Variants in WNT16 observed in about 807,000 individuals in gnomAD.
The protein encoded by WNT16 is protein Wnt-16.
A neutral mutation model predicts 35.4 loss-of-function variants in WNT16; 20 were observed. That is an observed-to-expected ratio of 0.56 (90% confidence interval 0.40 to 0.82). WNT16 has a LOEUF of 0.82. WNT16 is among the 40% of genes least tolerant of loss of function. The pLI, the probability that WNT16 is intolerant of heterozygous loss-of-function variation, is 0.00. For missense variants in WNT16, 461 were observed against 466.0 expected, an observed-to-expected ratio of 0.99 and a Z score of 0.10; for synonymous variants, 180 against 179.2, an observed-to-expected ratio of 1.00 and a Z score of -0.03.
chr7:121,328,106 AATG>A (rs1793271847), upstream of WNT16, among the ~76,000 whole-genome samples: 2 of 152,312 alleles, frequency 1.3e-5, no homozygotes, highest in Non-Finnish European at 2.9e-5. Context: ...CGTTTTTAAA[AATG>A]TGTCTTCCAT....
chr7:121,329,633 C>A lies in WNT16; in HGVS notation c.162C>A (p.Ser54Arg). 1 of 1,614,222 alleles carries A rather than the reference C, an allele frequency of 6.2e-7. No homozygotes were observed. Among genetic ancestry groups the A allele is most frequent in the Non-Finnish European group, 8.5e-7 (1 of 1,180,044 alleles). The change falls in exon 2 of 4, where the codon AGC (serine) becomes AGA (arginine). Residue 54 changes from serine (S) to arginine (R), a missense_variant. Transcript: ENST00000222462. ...GCTGCGCCAATTTGCCGCTGAACAG[C>A]CGCCAGAAGGAGCTGTGCAAGAGGA... is the stretch of plus-strand genomic sequence containing the variant. ...KLGCANLPLN[S>R]RQKELCKRKP...
Position 121,340,327 on chromosome 7 carries a change from A to G in WNT16, c.*982A>G, listed in dbSNP as rs1793512323. 6.6e-6 allele frequency: 1 copy of G among 152,216 alleles called. No homozygotes were observed. Among genetic ancestry groups the G allele is most frequent in the Non-Finnish European group, 1.5e-5 (1 of 68,006 alleles). 9.4% of individuals were successfully genotyped at this position (152,216 alleles called of 1,614,324 possible). ...ATACAGTACTTAAGTTATATGATTTATATTAAAACATTTATTGACAAAGCC... is the reference window on the plus strand; with the variant it reads ...ATACAGTACTTAAGTTATATGATTTGTATTAAAACATTTATTGACAAAGCC... On this transcript the variant is annotated 3_prime_UTR_variant, in exon 4 of 4. Transcript: ENST00000222462.
At chr7:121,329,902 A>G (rs1334867989) in intron 2 of WNT16, 85 bp downstream of exon 2, 1 of 1,533,130 alleles carries the variant, frequency 6.5e-7, no homozygotes, top group East Asian at 2.3e-5. Context: ...AAATAGTGCT[A>G]CGTGGTCCTG....
chr7:121,332,006 A>T lies in WNT16; in HGVS notation c.633+42A>T, dbSNP rs774407162. On this transcript the variant is annotated intron_variant, in intron 3 of 3. Transcript: ENST00000222462. ...GGAATAATCAAAACCCAGTGCTGTT[A>T]GGTAAATAACTAGGATTACACATCT... The T allele has an allele frequency of 2.1e-5, 34 of 1,598,452 alleles. 1 individual carries two copies. In the Admixed American group the frequency reaches 2.4e-4, roughly 11 times the overall value.
Position 121,329,827 on chromosome 7 carries a change from G to C in WNT16, c.346+10G>C, listed in dbSNP as rs749250421. ...TACGAGCTGAGCAGCGGTGAGTCCT[G>C]GGTCCTTAGGGGTTGGTGGGGGACG... On this transcript the variant is annotated intron_variant, in intron 2 of 3. Coordinates refer to ENST00000222462, the MANE Select transcript of WNT16 (RefSeq NM_057168.2). 1 of 1,596,308 alleles carries C rather than the reference G, an allele frequency of 6.3e-7. No homozygotes were observed. Among genetic ancestry groups the C allele is most frequent in the Admixed American group, 1.7e-5 (1 of 59,720 alleles).
chr7:121,338,168 T>G (rs1286574131), intron 3 of WNT16, among the ~76,000 whole-genome samples: 2 of 152,330 alleles, frequency 1.3e-5, no homozygotes, highest in Middle Eastern at 3.4e-3. Context: ...AACTCTCAAT[T>G]GAATCAATAC....
In WNT16 at chr7:121,329,179, A is replaced by C; in HGVS notation, c.-114A>C. The C allele has an allele frequency of 3.5e-6, 5 of 1,433,230 alleles. No individual in the cohort carries two copies. The South Asian group carries it at 7.4e-5, about 21-fold the overall frequency. 88.8% of individuals were successfully genotyped at this position (1,433,230 alleles called of 1,614,324 possible). The stretch of plus-strand genomic sequence containing the variant: ...TGGCCTTTTAATGTTGTATGCAAGG[A>C]GGAAGAGGGCGAGGGATAACTTGGT... On this transcript the variant is annotated 5_prime_UTR_variant, in exon 1 of 4. Coordinates refer to ENST00000222462, the MANE Select transcript of WNT16 (RefSeq NM_057168.2).
chr7:121,339,131 T>C lies in WNT16; in HGVS notation c.884T>C (p.Val295Ala), dbSNP rs1793487985. 4 of 1,614,052 alleles carry C rather than the reference T, an allele frequency of 2.5e-6. No homozygotes were observed. The highest frequency in any genetic ancestry group is 3.4e-6 in the Non-Finnish European group (4 of 1,180,030). Residue 295 changes from valine to alanine, a missense_variant, in exon 4 of 4, where the codon GTA becomes GCA. Coordinates refer to ENST00000222462, the MANE Select transcript of WNT16 (RefSeq NM_057168.2). ...GTTAATAAGTCTCCCAACTACTGTG[T>C]AGAAGATAAGAAACTGGGAATCCCA... ...LYVNKSPNYC[V>A]EDKKLGIPGT...
chr7:121,337,649 T>C (rs1362461797), intron 3 of WNT16, among the ~76,000 whole-genome samples: 3 of 152,218 alleles, frequency 2.0e-5, no homozygotes, highest in Non-Finnish European at 4.4e-5. Context: ...TGAAGGAAGC[T>C]ATGCTGGCTA....
intron 2 of WNT16, among the ~76,000 whole-genome samples, chr7:121,331,110 A>G (rs1793339048): frequency 6.6e-6 from 1 of 152,224 alleles, no homozygotes; most frequent in Non-Finnish European, 1.5e-5. Flanking sequence ...TGTTAATGTG[A>G]GACTAATCTT....
intron 3 of WNT16, among the ~76,000 whole-genome samples, chr7:121,334,362 A>G (rs1003865400): frequency 3.3e-5 from 5 of 152,126 alleles, no homozygotes; most frequent in African/African-American, 9.6e-5. Flanking sequence ...ATAATTCAAC[A>G]GAGTTTTGTA....
rs1228487629 is a variant in WNT16, at chr7:121,329,554, C to T, written c.96-13C>T. 7 of 1,612,438 alleles carry T rather than the reference C, an allele frequency of 4.3e-6. No homozygotes were observed. Among genetic ancestry groups the T allele is most frequent in the Non-Finnish European group, 5.1e-6 (6 of 1,178,600 alleles). On this transcript the variant is annotated splice_polypyrimidine_tract_variant and intron_variant, in intron 1 of 3. Coordinates refer to ENST00000222462, the MANE Select transcript of WNT16 (RefSeq NM_057168.2). ...GGGAGCGGCTTAACGCTACGGGCGG[C>T]CGTGTCTTACAGGTGGTTGGGCATT...
In WNT16 at chr7:121,338,911, C is replaced by G; in HGVS notation, c.664C>G (p.Arg222Gly). The change falls in exon 4 of 4, where the codon CGC becomes GGC. Residue 222 changes from arginine to glycine, a missense_variant. Arg to Gly is a moderately radical substitution (Grantham distance 125). Coordinates refer to ENST00000222462, the MANE Select transcript of WNT16 (RefSeq NM_057168.2). Reference protein sequence around the residue: ...AVAKLMSVDCRCHGVSGSCAV... With the variant: ...AVAKLMSVDCGCHGVSGSCAV... ...CGCCAAGTTGATGTCAGTAGACTGC[C>G]GCTGCCACGGAGTTTCCGGCTCCTG... 1 of 1,613,690 alleles carries G rather than the reference C, an allele frequency of 6.2e-7. No homozygotes were observed. Among genetic ancestry groups the G allele is most frequent in the Non-Finnish European group, 8.5e-7 (1 of 1,179,804 alleles).
At chr7:121,331,989 C>T in intron 3 of WNT16, 25 bp downstream of exon 3, 3 of 1,609,416 alleles carry the variant, frequency 1.9e-6, no homozygotes, top group Non-Finnish European at 2.5e-6. Flanking sequence ...ATGGAATAAT[C>T]AAAACCCAGT....
chr7:121,325,619 T>A (rs923206464), upstream of WNT16: 11 of 749,096 alleles, frequency 1.5e-5, no homozygotes, highest in African/African-American at 2.0e-4. Flanking sequence ...GTTTTAAGAT[T>A]TGGGGATTTG....
At chr7:121,330,883 C>T (rs1329950363) in intron 2 of WNT16, among the ~76,000 whole-genome samples, 1 of 151,470 alleles carries the variant, frequency 6.6e-6, no homozygotes, top group Non-Finnish European at 1.5e-5. Flanking sequence ...CCTGCTGATT[C>T]CCTTCTAGTC....
At chr7:121,332,088 C>T (rs1172877470) in intron 3 of WNT16, 124 bp downstream of exon 3, 1 of 1,134,622 alleles carries the variant, frequency 8.8e-7, no homozygotes, top group African/African-American at 1.6e-5. Flanking sequence ...CAAGTGGGAT[C>T]CTGAAAATTA....
chr7:121,329,195 A>G lies in WNT16; in HGVS notation c.-98A>G, dbSNP rs559098236. On this transcript the variant is annotated 5_prime_UTR_variant, in exon 1 of 4. Coordinates refer to ENST00000222462, the MANE Select transcript of WNT16 (RefSeq NM_057168.2). ...TATGCAAGGAGGAAGAGGGCGAGGG[A>G]TAACTTGGTGCTGGACAACTGACCT... The G allele has an allele frequency of 2.5e-5, 36 of 1,440,190 alleles. No individual in the cohort carries two copies. Among genetic ancestry groups the G allele is most frequent in the Middle Eastern group, 2.5e-4 (1 of 3,960 alleles). 89.2% of individuals were successfully genotyped at this position (1,440,190 alleles called of 1,614,324 possible). A position where few individuals can be genotyped will look rare whatever the true frequency, so the allele number is the denominator to read the frequency against.
At chr7:121,331,547 T>C in intron 2 of WNT16, 131 bp from the exon 3 acceptor site, 1 of 748,858 alleles carries the variant, frequency 1.3e-6, no homozygotes, top group Non-Finnish European at 2.1e-6. Flanking sequence ...TCTAAATATG[T>C]ACTCGTTAAC....
Sources: allele counts gnomAD v4.1 joint callset (sites outside exome capture counted in the v4.1 genomes callset), GRCh38; gene constraint gnomAD v4.1.1; transcripts MANE v1.5; gene names NCBI Gene and HGNC (gene_info 2026-07-23, HGNC 2026-07-21).